The following EFCAB14 variants were observed in gnomAD, a reference collection of about 807,000 sequenced individuals.
EFCAB14 encodes the protein EF-hand calcium-binding domain-containing protein 14.
A neutral mutation model predicts 56.5 loss-of-function variants in EFCAB14; 43 were observed. The ratio of observed to expected loss-of-function variants is 0.76; its 90% CI spans 0.60 to 0.98. The LOEUF is 0.98. Among genes scored for constraint, EFCAB14 ranks in the 50% least tolerant of loss-of-function variants. EFCAB14 has a pLI of 0.00. For synonymous variants in EFCAB14, 235 were observed against 212.9 expected (o/e 1.10, Z -0.90); for missense variants, 538 against 580.3 (o/e 0.93, Z 0.75).
intron 6 of EFCAB14, among the ~76,000 whole-genome samples, chr1:46,689,262 T>A (rs1484906130): frequency 6.6e-6 from 1 of 152,234 alleles, no homozygotes; most frequent in East Asian, 1.9e-4. Flanking sequence ...ATTACTTAGC[T>A]ATCCATTCAT....
At chr1:46,696,106 T>C (rs1190641889) in intron 4 of EFCAB14, among the ~76,000 whole-genome samples, 10 of 150,870 alleles carry the variant, frequency 6.6e-5, no homozygotes, top group African/African-American at 2.4e-4. Context: ...CCCCAGGTCA[T>C]CTTTTTTTTT....
chr1:46,715,616 C>A (rs971511847), intron 2 of EFCAB14, among the ~76,000 whole-genome samples: 1 of 151,882 alleles, frequency 6.6e-6, no homozygotes, highest in African/African-American at 2.4e-5. Context: ...GTTGTCATTG[C>A]CACTTTATGC....
chr1:46,697,230 A>G (rs1447794393), intron 3 of EFCAB14, among the ~76,000 whole-genome samples: 3 of 152,230 alleles, frequency 2.0e-5, no homozygotes, highest in Non-Finnish European at 4.4e-5. Context: ...GCTCTACCAG[A>G]GCACTACTTT....
chr1:46,708,170 G>T, intron 2 of EFCAB14, 119 bp from the exon 3 acceptor site: 1 of 983,028 alleles, frequency 1.0e-6, no homozygotes, highest in South Asian at 2.2e-5. Context: ...TTCTGACATT[G>T]TTCTTTTATT....
Position 46,688,447 on chromosome 1 carries a change from G to A in EFCAB14, c.893C>T (p.Thr298Ile). 1 of 1,613,972 alleles carries A rather than the reference G, an allele frequency of 6.2e-7. No homozygotes were observed. Among genetic ancestry groups the A allele is most frequent in the Non-Finnish European group, 8.5e-7 (1 of 1,179,902 alleles). The change falls in exon 7 of 11, where the codon ACA becomes ATA. Residue 298 changes from threonine to isoleucine, a missense_variant. Coordinates refer to ENST00000371933, the MANE Select transcript of EFCAB14 (RefSeq NM_014774.3). ...GACTCTCTGGGTAAGATTACTGACTGTCTCGTTCATTCCCTCGAGTTTAAG... is the reference window on the plus strand; with the variant it reads ...GACTCTCTGGGTAAGATTACTGACTATCTCGTTCATTCCCTCGAGTTTAAG... Reference protein sequence around the residue: ...NDLKLEGMNETVSNLTQRVNL... With the variant: ...NDLKLEGMNEIVSNLTQRVNL...
chr1:46,715,664 G>GTTC lies in EFCAB14; in HGVS notation c.334+628_334+630dup, dbSNP rs1360074541. Among the ~76,000 whole-genome samples, 3 of 152,014 alleles carry GTTC rather than the reference G, an allele frequency of 2.0e-5. No homozygotes were observed. The East Asian group carries it at 5.8e-4, about 30-fold the overall frequency. ...AAGCCATAAGTAGAGGTTACACCAA[G>GTTC]TTCTAGACTCCTACCCCTAGGGTAG... is the stretch of plus-strand genomic sequence containing the variant. On this transcript the variant is annotated intron_variant, in intron 2 of 10. Coordinates refer to ENST00000371933, the MANE Select transcript of EFCAB14 (RefSeq NM_014774.3).
rs145827451 is a variant in EFCAB14 at position 46,710,455 on chromosome 1, T to C, written c.335-2404A>G. 2.7e-3 allele frequency among the ~76,000 whole-genome samples: 407 copies of C among 152,366 alleles called. 6 individuals are homozygous for C. In the East Asian group the frequency reaches 0.028, roughly 10 times the overall value. On this transcript the variant is annotated intron_variant, in intron 2 of 10. Coordinates refer to ENST00000371933, the MANE Select transcript of EFCAB14 (RefSeq NM_014774.3). ...CCTCCTATCTAGCTGTAATTTTTCA[T>C]CCTTTAACCAATCTCTCCCTATCCC... is the stretch of plus-strand genomic sequence containing the variant.
intron 8 of EFCAB14, 146 bp from the exon 9 acceptor site, chr1:46,684,748 T>C (rs1379149089): frequency 1.6e-6 from 1 of 637,894 alleles, no homozygotes; most frequent in Non-Finnish European, 2.8e-6. Context: ...AATCAACATA[T>C]ACTGGTGATG....
chr1:46,690,060 C>T (rs1189985269), intron 5 of EFCAB14, among the ~76,000 whole-genome samples: 2 of 152,226 alleles, frequency 1.3e-5, no homozygotes, highest in African/African-American at 2.4e-5. Context: ...CAACCTGGGA[C>T]AGTGTCATTG....
rs777690943 is a variant in EFCAB14 at position 46,708,053 on chromosome 1, T to G, written c.335-2A>C. 1 of 1,609,806 alleles carries G rather than the reference T, an allele frequency of 6.2e-7. No homozygotes were observed. The highest frequency in any genetic ancestry group is 8.5e-7 in the Non-Finnish European group (1 of 1,179,188). On this transcript the variant is annotated splice_acceptor_variant, in intron 2 of 10. Transcript: ENST00000371933. LOFTEE classifies it high-confidence loss of function. ...ATGAGCTTTTCTGATTAGATTCCAC[T>G]AAAAAGACAAAATAAGAACAATCAT... is the stretch of plus-strand genomic sequence containing the variant.
Position 46,678,284 on chromosome 1 carries a change from A to G in EFCAB14, c.*177T>C, listed in dbSNP as rs1371033200. On this transcript the variant is annotated 3_prime_UTR_variant, in exon 11 of 11. Transcript: ENST00000371933. Reference sequence around the variant, plus strand: ...TAGATTTCTGAACATCATAAGTAAAATGGTCTTCTTCTTTAAAAAAATAAC... The same window carrying G: ...TAGATTTCTGAACATCATAAGTAAAGTGGTCTTCTTCTTTAAAAAAATAAC... 1 of 486,284 alleles carries G rather than the reference A, an allele frequency of 2.1e-6. No homozygotes were observed. Among genetic ancestry groups the G allele is most frequent in the Non-Finnish European group, 3.5e-6 (1 of 285,560 alleles). 30.1% of individuals were successfully genotyped at this position (486,284 alleles called of 1,614,324 possible).
chr1:46,707,247 T>C (rs1337861160), intron 3 of EFCAB14, among the ~76,000 whole-genome samples: 1 of 152,192 alleles, frequency 6.6e-6, no homozygotes, highest in Non-Finnish European at 1.5e-5. Flanking sequence ...CCTAACTAAA[T>C]GGAAAAAGTA....
intron 3 of EFCAB14, among the ~76,000 whole-genome samples, chr1:46,698,947 C>T (rs1463245257): frequency 9.9e-6 from 1 of 100,738 alleles, no homozygotes; most frequent in Non-Finnish European, 2.2e-5. Flanking sequence ...TCTGTGTAGT[C>T]TCGGCAAGAG....
At chr1:46,700,554 C>T (rs1452171770) in intron 3 of EFCAB14, among the ~76,000 whole-genome samples, 1 of 152,126 alleles carries the variant, frequency 6.6e-6, no homozygotes, top group African/African-American at 2.4e-5. Context: ...TAGAAACAGG[C>T]ATTTTCATGC....
intron 3 of EFCAB14, among the ~76,000 whole-genome samples, chr1:46,700,986 A>AGTGAGTGTGT (rs145670885): frequency 0.18 from 26,382 of 142,878 alleles, 2,605 homozygotes; most frequent in Admixed American, 0.29. Context: ...AGAGTGAGTG[A>AGTGAGTGTGT]GTGTGTGTGT....
chr1:46,682,686 C>G (rs942141383), intron 10 of EFCAB14, among the ~76,000 whole-genome samples: 5 of 151,994 alleles, frequency 3.3e-5, no homozygotes, highest in Non-Finnish European at 5.9e-5. Context: ...GAATGAAGAC[C>G]CTAAAAAACA....
chr1:46,697,107 A>G (rs1351061273), intron 3 of EFCAB14, among the ~76,000 whole-genome samples: 2 of 152,230 alleles, frequency 1.3e-5, no homozygotes, highest in Non-Finnish European at 2.9e-5. Context: ...GTAAAAGCCC[A>G]TCTCACAAAA....
intron 5 of EFCAB14, among the ~76,000 whole-genome samples, chr1:46,690,545 A>G (rs942661736): frequency 6.6e-6 from 1 of 152,228 alleles, no homozygotes; most frequent in Admixed American, 6.5e-5. Flanking sequence ...GGAGGGGGGA[A>G]TCCATGGTTC....
chr1:46,705,942 G>A (rs1307538668), intron 3 of EFCAB14, among the ~76,000 whole-genome samples: 1 of 151,122 alleles, frequency 6.6e-6, no homozygotes, highest in East Asian at 1.9e-4. Context: ...ACAGCTCACT[G>A]CAGCTTCAAA....
Sources: gnomAD v4.1 joint callset for allele counts (sites outside exome capture counted in the v4.1 genomes callset) on GRCh38, gnomAD v4.1.1 for gene constraint, MANE v1.5 for transcripts, NCBI Gene and HGNC (gene_info 2026-07-23, HGNC 2026-07-21) for gene names.